Variants in SPOCK3 observed in about 807,000 individuals in gnomAD.
SPOCK3 encodes the protein SPARC (osteonectin), cwcv and kazal like domains proteoglycan 3.
In SPOCK3, 30 loss-of-function variants were observed where a neutral mutation model predicts 56.6. The observed-to-expected ratio is 0.53, with a 90% CI of 0.40 to 0.72. The LOEUF is 0.72. Among genes scored for constraint, SPOCK3 ranks in the 30% least tolerant of loss-of-function variants. The pLI is 0.00. For missense variants in SPOCK3, 527 were observed against 530.0 expected (o/e 0.99, Z 0.06); for synonymous variants, 196 against 183.3 (o/e 1.07, Z -0.56).
chr4:166,841,439 G>A (rs1198867117), intron 6 of SPOCK3, among the ~76,000 whole-genome samples: 1 of 148,630 alleles, frequency 6.7e-6, no homozygotes, highest in Non-Finnish European at 1.5e-5. Context: ...ATTTCTTAAA[G>A]TAAGAAAAAA....
chr4:166,840,169 C>T (rs532045552), intron 6 of SPOCK3, among the ~76,000 whole-genome samples: 2 of 152,258 alleles, frequency 1.3e-5, no homozygotes, highest in Non-Finnish European at 2.9e-5. Flanking sequence ...AATCTAAGTT[C>T]TCCGTATGAT....
intron 5 of SPOCK3, among the ~76,000 whole-genome samples, chr4:166,900,672 G>A (rs940524146): frequency 6.6e-6 from 1 of 152,188 alleles, no homozygotes; most frequent in African/African-American, 2.4e-5. Flanking sequence ...TGAATCCACT[G>A]ATAGTAGTAT....
chr4:167,219,136 A>T (rs1735649477), intron 2 of SPOCK3, among the ~76,000 whole-genome samples: 1 of 152,218 alleles, frequency 6.6e-6, no homozygotes, highest in Admixed American at 6.6e-5. Flanking sequence ...TGTTCATTTT[A>T]GATGAATCTG....
chr4:167,009,087 T>A (rs1264261407), intron 3 of SPOCK3, among the ~76,000 whole-genome samples: 1 of 152,172 alleles, frequency 6.6e-6, no homozygotes, highest in Non-Finnish European at 1.5e-5. Flanking sequence ...TCATATCATA[T>A]TTACATGATA....
chr4:166,962,883 C>T (rs925241340), intron 4 of SPOCK3, among the ~76,000 whole-genome samples: 1 of 152,072 alleles, frequency 6.6e-6, no homozygotes, highest in African/African-American at 2.4e-5. Flanking sequence ...AAATAAGAGG[C>T]ATCAGCTCAT....
intron 3 of SPOCK3, among the ~76,000 whole-genome samples, chr4:167,031,525 C>T (rs758948024): frequency 2.0e-5 from 3 of 151,934 alleles, no homozygotes; most frequent in Non-Finnish European, 4.4e-5. Context: ...AAGAAAAAGG[C>T]ACACTGTTAA....
chr4:167,093,538 T>C (rs1054131715), intron 2 of SPOCK3, among the ~76,000 whole-genome samples: 2 of 152,104 alleles, frequency 1.3e-5, no homozygotes, highest in Non-Finnish European at 2.9e-5. Context: ...TGAGAACATA[T>C]GGTGTTTGGT....
chr4:166,899,146 C>A (rs1735731416), intron 5 of SPOCK3, among the ~76,000 whole-genome samples: 1 of 151,870 alleles, frequency 6.6e-6, no homozygotes, highest in African/African-American at 2.4e-5. Flanking sequence ...TGAATTATAT[C>A]ATCATCTTTC....
intron 2 of SPOCK3, among the ~76,000 whole-genome samples, chr4:167,129,409 A>C (rs1054365628): frequency 6.6e-6 from 1 of 152,214 alleles, no homozygotes; most frequent in Non-Finnish European, 1.5e-5. Context: ...CCCTGTCTCC[A>C]GAATCATCTA....
At chr4:167,070,267 T>C (rs138551218) in intron 2 of SPOCK3, among the ~76,000 whole-genome samples, 5 of 152,044 alleles carry the variant, frequency 3.3e-5, no homozygotes, top group African/African-American at 7.2e-5. Context: ...CAGCCAAATA[T>C]TTATAGTTGT....
intron 2 of SPOCK3, among the ~76,000 whole-genome samples, chr4:167,159,776 C>T (rs1238528308): frequency 2.0e-5 from 3 of 152,070 alleles, no homozygotes; most frequent in Non-Finnish European, 4.4e-5. Flanking sequence ...ATAAACAGAA[C>T]TAAAGACAAA....
At chr4:166,800,730 T>C (rs986568431) in intron 6 of SPOCK3, among the ~76,000 whole-genome samples, 1 of 152,172 alleles carries the variant, frequency 6.6e-6, no homozygotes, top group African/African-American at 2.4e-5. Context: ...TAAAAGTTTA[T>C]AAAGTAAAAA....
chr4:166,934,855 A>C (rs190256130), intron 4 of SPOCK3, among the ~76,000 whole-genome samples: 266 of 149,904 alleles, frequency 1.8e-3, no homozygotes, highest in African/African-American at 6.4e-3. Flanking sequence ...ACAAAGAAGC[A>C]AAAGTGGTTG....
chr4:167,028,783 T>C (rs765493986), intron 3 of SPOCK3, among the ~76,000 whole-genome samples: 6 of 152,070 alleles, frequency 3.9e-5, no homozygotes, highest in Non-Finnish European at 8.8e-5. Context: ...CCATGAACAC[T>C]AGATTGAAGA....
intron 4 of SPOCK3, among the ~76,000 whole-genome samples, chr4:166,935,894 A>G (rs1214195164): frequency 6.6e-6 from 1 of 152,188 alleles, no homozygotes; most frequent in Admixed American, 6.5e-5. Context: ...TAAAGGTTAG[A>G]TGTGGTATAT....
At chr4:167,092,125 G>A (rs957702258) in intron 2 of SPOCK3, among the ~76,000 whole-genome samples, 1 of 152,012 alleles carries the variant, frequency 6.6e-6, no homozygotes, top group Non-Finnish European at 1.5e-5. Flanking sequence ...TTAGACAGTG[G>A]GTGCAGCACA....
intron 6 of SPOCK3, among the ~76,000 whole-genome samples, chr4:166,861,330 C>T (rs569574648): frequency 6.6e-6 from 1 of 152,102 alleles, no homozygotes; most frequent in Non-Finnish European, 1.5e-5. Flanking sequence ...ATCTCTCTCT[C>T]TCTCTTTTTT....
intron 2 of SPOCK3, among the ~76,000 whole-genome samples, chr4:167,155,094 T>A (rs1315600118): frequency 6.6e-6 from 1 of 152,146 alleles, no homozygotes; most frequent in African/African-American, 2.4e-5. Flanking sequence ...AAATGTATCA[T>A]AATTTATTCA....
At chr4:166,835,784 G>A (rs1746546576) in intron 6 of SPOCK3, among the ~76,000 whole-genome samples, 1 of 152,140 alleles carries the variant, frequency 6.6e-6, no homozygotes, top group Non-Finnish European at 1.5e-5. Flanking sequence ...CGGATCACCT[G>A]AGATCGGGAG....
Sources: gnomAD v4.1 joint callset for allele counts (sites outside exome capture counted in the v4.1 genomes callset) on GRCh38, gnomAD v4.1.1 for gene constraint, MANE v1.5 for transcripts, NCBI Gene and HGNC (gene_info 2026-07-23, HGNC 2026-07-21) for gene names.